The following AFG2A variants were observed in gnomAD, a reference collection of about 807,000 sequenced individuals.
AFG2A encodes the protein ATPase family gene 2 protein homolog A.
chr4:123,165,894 T>C, the AFG2A span, among the ~76,000 whole-genome samples: 2 of 152,234 alleles, frequency 1.3e-5, no homozygotes, highest in East Asian at 3.8e-4. Flanking sequence ...CTGTGAACTT[T>C]GGCAATGCAA....
At chr4:122,934,578 A>G in the AFG2A span, 10 of 1,614,006 alleles carry the variant, frequency 6.2e-6, no homozygotes, top group Admixed American at 1.0e-4. Flanking sequence ...TTTCTTCAAC[A>G]ACAAGAGTCA....
chr4:122,983,506 A>G, the AFG2A span, among the ~76,000 whole-genome samples: 7 of 151,800 alleles, frequency 4.6e-5, no homozygotes, highest in African/African-American at 1.2e-4. Context: ...TTGTGTTTCT[A>G]TTTCCATTTG....
chr4:123,300,353 C>T, the AFG2A span, among the ~76,000 whole-genome samples: 2 of 152,076 alleles, frequency 1.3e-5, no homozygotes, highest in Non-Finnish European at 2.9e-5. Flanking sequence ...TATTTCCTTC[C>T]GTTACCTCAC....
the AFG2A span, among the ~76,000 whole-genome samples, chr4:122,966,683 C>T: frequency 6.6e-6 from 1 of 152,170 alleles, no homozygotes; most frequent in Non-Finnish European, 1.5e-5. Flanking sequence ...ATTAGGTAAA[C>T]TAATCCTTCC....
the AFG2A span, among the ~76,000 whole-genome samples, chr4:123,081,949 T>C: frequency 1.3e-5 from 2 of 152,150 alleles, no homozygotes; most frequent in Non-Finnish European, 2.9e-5. Context: ...TGGTGAAGTG[T>C]TTGTTCAGTT....
chr4:123,266,900 T>C, the AFG2A span, among the ~76,000 whole-genome samples: 21 of 152,112 alleles, frequency 1.4e-4, no homozygotes, highest in African/African-American at 5.1e-4. Flanking sequence ...TCCACTAGAA[T>C]AATTGTTTAG....
the AFG2A span, among the ~76,000 whole-genome samples, chr4:123,208,917 T>C: frequency 6.6e-6 from 1 of 152,198 alleles, no homozygotes; most frequent in African/African-American, 2.4e-5. Flanking sequence ...ATGAGTTGAC[T>C]AGTGGCTTCA....
chr4:122,997,955 A>G, the AFG2A span, among the ~76,000 whole-genome samples: 5 of 152,236 alleles, frequency 3.3e-5, no homozygotes, highest in East Asian at 9.6e-4. Context: ...CTTTAGGGAA[A>G]TGTCTAGTCA....
chr4:123,239,068 A>G, the AFG2A span, among the ~76,000 whole-genome samples: 3 of 152,198 alleles, frequency 2.0e-5, no homozygotes, highest in East Asian at 5.8e-4. Context: ...AATTCAATCA[A>G]GTGGAAGAAA....
chr4:123,190,773 T>G, the AFG2A span, among the ~76,000 whole-genome samples: 1 of 152,156 alleles, frequency 6.6e-6, no homozygotes, highest in East Asian at 1.9e-4. Flanking sequence ...AACAAAACAC[T>G]CTATTTGGTT....
chr4:123,144,956 T>G, the AFG2A span, among the ~76,000 whole-genome samples: 1 of 151,894 alleles, frequency 6.6e-6, no homozygotes, highest in East Asian at 1.9e-4. Context: ...AAGACAATAA[T>G]TTTTTTTCTC....
chr4:122,999,771 G>C, the AFG2A span, among the ~76,000 whole-genome samples: 15 of 152,120 alleles, frequency 9.9e-5, 1 homozygote, highest in Admixed American at 9.8e-4. Context: ...TTTTGGCTTA[G>C]GATTGACTTG....
the AFG2A span, among the ~76,000 whole-genome samples, chr4:123,017,175 AGGGGGGAG>A: frequency 0.64 from 36,331 of 56,968 alleles, 10,561 homozygotes; most frequent in Non-Finnish European, 0.7. Context: ...GGAGAGGGAG[AGGGGGGAG>A]AGGGAAAGGG....
the AFG2A span, among the ~76,000 whole-genome samples, chr4:123,290,389 A>G: frequency 0.72 from 109,825 of 152,022 alleles, 40,914 homozygotes; most frequent in Non-Finnish European, 0.81. Context: ...GAGAGACAAG[A>G]GTCCAATTTC....
At chr4:123,057,176 C>T in the AFG2A span, 3 of 1,609,592 alleles carry the variant, frequency 1.9e-6, no homozygotes, top group Admixed American at 1.7e-5. Flanking sequence ...AGTGTTTGCT[C>T]ATCTTTAGCT....
At chr4:123,182,075 A>T in the AFG2A span, among the ~76,000 whole-genome samples, 1 of 152,152 alleles carries the variant, frequency 6.6e-6, no homozygotes, top group Non-Finnish European at 1.5e-5. Flanking sequence ...CTGTTCATCA[A>T]ATTGATGAAA....
the AFG2A span, among the ~76,000 whole-genome samples, chr4:122,942,735 A>T: frequency 1.3e-5 from 2 of 150,848 alleles, 1 homozygote; most frequent in Non-Finnish European, 2.9e-5. Flanking sequence ...TTAGGGTGTC[A>T]ATTTTGGATC....
chr4:123,148,726 A>C, the AFG2A span, among the ~76,000 whole-genome samples: 21 of 152,036 alleles, frequency 1.4e-4, no homozygotes, highest in Non-Finnish European at 2.5e-4. Flanking sequence ...AAAAATTTGC[A>C]ACATGATAGA....
chr4:123,308,553 G>A, the AFG2A span, among the ~76,000 whole-genome samples: 8 of 152,122 alleles, frequency 5.3e-5, no homozygotes, highest in Non-Finnish European at 7.3e-5. Flanking sequence ...GATCCAGGTT[G>A]TGCACTCCTT....
Sources: allele counts gnomAD v4.1 joint callset (sites outside exome capture counted in the v4.1 genomes callset), GRCh38; gene constraint gnomAD v4.1.1; transcripts MANE v1.5; gene names NCBI Gene and HGNC (gene_info 2026-07-23, HGNC 2026-07-21).